The following FILIP1L variants were observed in gnomAD, a reference collection of about 807,000 sequenced individuals.
FILIP1L encodes the protein filamin A-interacting protein 1-like.
Under a neutral mutation model 96.6 loss-of-function variants are expected in FILIP1L, and 55 were observed. The observed-to-expected ratio is 0.57, with a 90% CI of 0.46 to 0.71. The LOEUF (loss-of-function observed/expected upper bound fraction) is 0.71, where lower values mean the gene tolerates loss of function less well. FILIP1L is among the 30% of genes least tolerant of loss of function. The probability of loss-of-function intolerance (pLI) is 0.00; values close to 1 mark genes in which losing one functional copy is unlikely to be tolerated. For missense variants in FILIP1L, 1,304 were observed against 1,321.2 expected (o/e 0.99, Z 0.20); for synonymous variants, 467 against 473.9 (o/e 0.99, Z 0.19).
intron 1 of FILIP1L, among the ~76,000 whole-genome samples, chr3:100,035,079 A>T (rs928007362): frequency 3.3e-5 from 5 of 152,094 alleles, no homozygotes; most frequent in South Asian, 2.1e-4. Context: ...TTTAGGGTTG[A>T]TCTGTTATCA....
intron 1 of FILIP1L, among the ~76,000 whole-genome samples, chr3:100,080,712 T>C (rs2065920237): frequency 6.6e-6 from 1 of 152,218 alleles, no homozygotes; most frequent in Admixed American, 6.5e-5. Context: ...ATCGATGCCA[T>C]TTCTTGGTCA....
At chr3:99,937,269 A>G (rs1176846163) in intron 1 of FILIP1L, among the ~76,000 whole-genome samples, 2 of 152,188 alleles carry the variant, frequency 1.3e-5, no homozygotes, top group Non-Finnish European at 2.9e-5. Context: ...CCAATCTCCA[A>G]TTTGTTGAAT....
intron 1 of FILIP1L, among the ~76,000 whole-genome samples, chr3:99,946,872 T>C (rs1708023731): frequency 6.6e-6 from 1 of 152,138 alleles, no homozygotes; most frequent in East Asian, 1.9e-4. Flanking sequence ...CCATCAAGGA[T>C]ACAGTCATTT....
chr3:99,985,855 C>T (rs554972635), intron 1 of FILIP1L, among the ~76,000 whole-genome samples: 1 of 152,228 alleles, frequency 6.6e-6, no homozygotes, highest in African/African-American at 2.4e-5. Flanking sequence ...TCCCAAAGTA[C>T]TGGGATTACA....
chr3:99,979,897 GGACAAAGT>G, intron 1 of FILIP1L, among the ~76,000 whole-genome samples: 1 of 152,226 alleles, frequency 6.6e-6, no homozygotes, highest in Middle Eastern at 3.4e-3. Context: ...AGAGAGAGCG[GGACAAAGT>G]GCTGTGAAGG....
chr3:100,011,266 T>A (rs1252886522), intron 1 of FILIP1L, among the ~76,000 whole-genome samples: 1 of 152,190 alleles, frequency 6.6e-6, no homozygotes, highest in Non-Finnish European at 1.5e-5. Context: ...CTCAGGGAAA[T>A]GTTTCTCTTT....
intron 1 of FILIP1L, among the ~76,000 whole-genome samples, chr3:100,074,675 A>T (rs1258999043): frequency 8.1e-4 from 28 of 34,780 alleles, no homozygotes; most frequent in Admixed American, 1.9e-3. Flanking sequence ...GCAACATTTG[A>T]TTTTTTTTTT....
intron 4 of FILIP1L, among the ~76,000 whole-genome samples, chr3:99,878,900 A>G (rs1705628871): frequency 6.6e-6 from 1 of 152,132 alleles, no homozygotes; most frequent in Admixed American, 6.5e-5. Flanking sequence ...TCTTTCTGAG[A>G]TGTAATTTTT....
intron 1 of FILIP1L, among the ~76,000 whole-genome samples, chr3:100,105,844 G>T (rs1377684164): frequency 6.6e-6 from 1 of 152,148 alleles, no homozygotes; most frequent in Non-Finnish European, 1.5e-5. Flanking sequence ...GATGCAAGTA[G>T]TTTTTTGAAA....
At chr3:99,987,409 A>G (rs553819242) in intron 1 of FILIP1L, among the ~76,000 whole-genome samples, 2 of 151,582 alleles carry the variant, frequency 1.3e-5, no homozygotes, top group African/African-American at 4.8e-5. Context: ...TACACCTGTT[A>G]TCTCAGCTAC....
intron 5 of FILIP1L, among the ~76,000 whole-genome samples, chr3:99,836,072 G>C (rs1942884797): frequency 6.6e-6 from 1 of 152,194 alleles, no homozygotes; most frequent in Non-Finnish European, 1.5e-5. Flanking sequence ...TGGGCACTAA[G>C]CAATTTTAAG....
intron 5 of FILIP1L, among the ~76,000 whole-genome samples, chr3:99,842,524 G>T (rs1380759505): frequency 6.6e-5 from 10 of 151,052 alleles, no homozygotes; most frequent in Non-Finnish European, 1.5e-4. Context: ...AAAAAAAGAT[G>T]GTCTCAGGTA....
intron 1 of FILIP1L, among the ~76,000 whole-genome samples, chr3:100,050,592 T>C (rs1366528968): frequency 1.3e-5 from 2 of 152,116 alleles, no homozygotes; most frequent in African/African-American, 2.4e-5. Flanking sequence ...AGTGCAGTGG[T>C]ACAATCTCTG....
chr3:100,064,577 C>A (rs1056835832), intron 1 of FILIP1L, among the ~76,000 whole-genome samples: 1 of 152,242 alleles, frequency 6.6e-6, no homozygotes, highest in Admixed American at 6.5e-5. Flanking sequence ...CTTTAAGATC[C>A]TTTGGCTCTC....
chr3:99,931,173 G>A, intron 1 of FILIP1L, 143 bp from the exon 2 acceptor site: 2 of 661,698 alleles, frequency 3.0e-6, no homozygotes, highest in Non-Finnish European at 5.2e-6. Flanking sequence ...CAGCAGAGAA[G>A]GATATTAGCA....
chr3:99,845,693 G>A (rs759328766), intron 5 of FILIP1L, among the ~76,000 whole-genome samples: 1 of 152,152 alleles, frequency 6.6e-6, no homozygotes, highest in Non-Finnish European at 1.5e-5. Context: ...TCTACATTGT[G>A]TCATTTTAGG....
rs373504477 is a variant in FILIP1L, at chr3:99,850,039, G to A, written c.1637C>T (p.Ala546Val). ...TEKLIEETKR[A>V]LKSKTDVEEK... is the part of the protein sequence containing the mutation. The stretch of plus-strand genomic sequence containing the variant: ...TTCTACATCGGTTTTGGACTTGAGC[G>A]CCCTTTTAGTTTCCTCAATTAACTT... The change falls in exon 5 of 6, where the codon GCG becomes GTG. Residue 546 changes from alanine (A) to valine (V), a missense_variant. Coordinates refer to ENST00000477258, the MANE Select transcript of FILIP1L (RefSeq NM_001387850.1). The A allele has an allele frequency of 7.5e-6, 12 of 1,609,344 alleles. No individual in the cohort carries two copies. The African/African-American group carries it at 8.1e-5, about 11-fold the overall frequency.
At chr3:100,081,049 T>C (rs910690315) in intron 1 of FILIP1L, among the ~76,000 whole-genome samples, 1 of 152,244 alleles carries the variant, frequency 6.6e-6, no homozygotes, top group Non-Finnish European at 1.5e-5. Flanking sequence ...AGGTGTTATT[T>C]TAGACACTCT....
chr3:99,929,791 C>T, intron 3 of FILIP1L, 65 bp downstream of exon 3: 1 of 1,209,444 alleles, frequency 8.3e-7, no homozygotes, highest in Non-Finnish European at 1.2e-6. Flanking sequence ...AGTTACAGAT[C>T]ATGCTCATCT....
Sources: allele counts gnomAD v4.1 joint callset (sites outside exome capture counted in the v4.1 genomes callset), GRCh38; gene constraint gnomAD v4.1.1; transcripts MANE v1.5; gene names NCBI Gene and HGNC (gene_info 2026-07-23, HGNC 2026-07-21).